The following ZMIZ1 variants were observed in gnomAD, a reference collection of about 807,000 sequenced individuals.
ZMIZ1 encodes the protein zinc finger MIZ-type containing 1, also known as zinc finger MIZ domain-containing protein 1.
Under a neutral mutation model 113.9 loss-of-function variants are expected in ZMIZ1, and 17 were observed. That is an observed-to-expected ratio of 0.15 (90% CI 0.10 to 0.22). ZMIZ1 has a LOEUF of 0.22. ZMIZ1 is among the 10% of genes least tolerant of loss of function. The probability of loss-of-function intolerance (pLI) is 1.00; values close to 1 mark genes in which losing one functional copy is unlikely to be tolerated. For missense variants in ZMIZ1, 1,059 were observed against 1,477.8 expected, an observed-to-expected ratio of 0.72 and a Z score of 4.65; for synonymous variants, 607 against 603.1, an observed-to-expected ratio of 1.01 and a Z score of -0.09.
chr10:79,279,187 G>A (rs996744228), intron 8 of ZMIZ1, among the ~76,000 whole-genome samples: 1 of 151,772 alleles, frequency 6.6e-6, no homozygotes, highest in African/African-American at 2.4e-5. Flanking sequence ...GCCAGGGGGA[G>A]GGGCTCCTCA....
intron 1 of ZMIZ1, among the ~76,000 whole-genome samples, chr10:79,076,362 G>A (rs1007325306): frequency 3.9e-5 from 6 of 152,178 alleles, no homozygotes; most frequent in African/African-American, 1.4e-4. Flanking sequence ...GCTGAACCTT[G>A]GGGGTGGGGT....
intron 7 of ZMIZ1, among the ~76,000 whole-genome samples, chr10:79,251,765 G>A (rs1850568554): frequency 1.3e-5 from 2 of 152,348 alleles, no homozygotes; most frequent in Admixed American, 1.3e-4. Flanking sequence ...TCTCAGGTAT[G>A]TCTTCATTTG....
intron 1 of ZMIZ1, among the ~76,000 whole-genome samples, chr10:79,104,529 C>T (rs1843485574): frequency 6.6e-6 from 1 of 152,210 alleles, no homozygotes; most frequent in African/African-American, 2.4e-5. Flanking sequence ...GGTGAATACC[C>T]ACCAAGGTAC....
rs562647261 is a variant in ZMIZ1, at chr10:79,275,580, G to A, written c.281-1601G>A. 1.1e-4 allele frequency among the ~76,000 whole-genome samples: 16 copies of A among 152,346 alleles called. No individual in the cohort carries two copies. The South Asian group carries it at 3.1e-3, about 30-fold the overall frequency. ...GCCACTCCCGGTCACTGTGCCTATGGGTGTCTTCCACCAGTGCCGGCCAAA... is the reference window on the plus strand; with the variant it reads ...GCCACTCCCGGTCACTGTGCCTATGAGTGTCTTCCACCAGTGCCGGCCAAA... On this transcript the variant is annotated intron_variant, in intron 7 of 24. Transcript: ENST00000334512.
At chr10:79,076,600 C>T (rs1842483217) in intron 1 of ZMIZ1, among the ~76,000 whole-genome samples, 1 of 152,158 alleles carries the variant, frequency 6.6e-6, no homozygotes, top group East Asian at 1.9e-4. Context: ...CTCTGGGAGG[C>T]CTAGGCAGGT....
intron 6 of ZMIZ1, among the ~76,000 whole-genome samples, chr10:79,208,786 C>CATTG (rs1848431638): frequency 2.0e-5 from 3 of 152,088 alleles, no homozygotes; most frequent in Admixed American, 1.3e-4. Flanking sequence ...TTTATCCAGT[C>CATTG]ATTCATTCAT....
Position 79,292,960 on chromosome 10 carries a change from C to CAAG in ZMIZ1, c.958-420_958-418dup, listed in dbSNP as rs1322070475. ...GGGTGTGCCTCCACTGGCCCAGGAC[C>CAAG]AAGGGCAGGGCCAGGGCTTCCAGGA... is the stretch of plus-strand genomic sequence containing the variant. On this transcript the variant is annotated intron_variant, in intron 11 of 24. Transcript: ENST00000334512. The CAAG allele has an allele frequency of 5.3e-5, 24 of 455,778 alleles. No homozygotes were observed. The East Asian group carries it at 1.5e-3, about 28-fold the overall frequency. The allele number at this position is 455,778 out of a possible 1,614,324, so 28.2% of individuals were successfully genotyped here. A position where few individuals can be genotyped will look rare whatever the true frequency, so the allele number is the denominator to read the frequency against.
At chr10:79,147,673 G>A (rs945210336) in intron 3 of ZMIZ1, among the ~76,000 whole-genome samples, 31 of 152,178 alleles carry the variant, frequency 2.0e-4, no homozygotes, top group African/African-American at 7.2e-4. Flanking sequence ...CTTGTCATGA[G>A]CTGGCCATTT....
At chr10:79,243,691 A>C (rs1589474086) in intron 7 of ZMIZ1, 1 of 306,164 alleles carries the variant, frequency 3.3e-6, no homozygotes, top group South Asian at 2.3e-5. Flanking sequence ...GCCGGGCCCC[A>C]AGCCCCCGAG....
chr10:79,253,854 A>T (rs1850707170), intron 7 of ZMIZ1, among the ~76,000 whole-genome samples: 1 of 151,938 alleles, frequency 6.6e-6, no homozygotes, highest in Admixed American at 6.5e-5. Flanking sequence ...GCCTGCACAC[A>T]TGGCCCCACA....
chr10:79,268,490 C>A (rs1190933806), intron 7 of ZMIZ1, among the ~76,000 whole-genome samples: 1 of 152,242 alleles, frequency 6.6e-6, no homozygotes, highest in African/African-American at 2.4e-5. Flanking sequence ...AGTGTCTGTC[C>A]TTCCTTCCCA....
In ZMIZ1 at chr10:79,072,897, C is replaced by T. The variant is rs545507213; in HGVS notation, c.-337+3627C>T. On this transcript the variant is annotated intron_variant, in intron 1 of 24. Coordinates refer to ENST00000334512, the MANE Select transcript of ZMIZ1 (RefSeq NM_020338.4). ...GGATATAGTGCTCTCTGCTCATGCC[C>T]TTTGGGGGAGTGCTCTTTGTCCTTA... 2.6e-5 allele frequency among the ~76,000 whole-genome samples: 4 copies of T among 152,352 alleles called. No individual in the cohort carries two copies. In the East Asian group the frequency reaches 5.8e-4, roughly 22 times the overall value.
intron 2 of ZMIZ1, among the ~76,000 whole-genome samples, chr10:79,126,690 C>T (rs1023978749): frequency 5.9e-5 from 9 of 152,168 alleles, no homozygotes; most frequent in Admixed American, 6.5e-5. Context: ...TGCTAAATGC[C>T]CCTGAGTAGA....
chr10:79,292,087 GCC>G lies in ZMIZ1; in HGVS notation c.759-69_759-68del, dbSNP rs1049241259. On this transcript the variant is annotated intron_variant, in intron 10 of 24. Transcript: ENST00000334512. ...GTACAGCTCCATCATCTCCCTTCCA[GCC>G]CACAGCTTGCCCTCAGTTCCCCTCA... 25 of 1,441,224 alleles carry G rather than the reference GCC, an allele frequency of 1.7e-5. No individual in the cohort carries two copies. The South Asian group carries it at 2.8e-4, about 16-fold the overall frequency. The allele number at this position is 1,441,224 out of a possible 1,614,324, so 89.3% of individuals were successfully genotyped here.
At chr10:79,290,659 C>G in intron 9 of ZMIZ1, 1 of 596,504 alleles carries the variant, frequency 1.7e-6, no homozygotes, top group Non-Finnish European at 3.2e-6. Context: ...AGCCTCTTCT[C>G]CCTTCACTGG....
At position 79,276,410 on chromosome 10, in the gene ZMIZ1, C is replaced by G. The variant is rs192363647; in HGVS notation, c.281-771C>G. Among the ~76,000 whole-genome samples the G allele has an allele frequency of 1.5e-3, 228 of 152,292 alleles. 2 individuals are homozygous for G. Among genetic ancestry groups the G allele is most frequent in the African/African-American group, 5.2e-3 (218 of 41,548 alleles). ...CAGTGAAAGAAAATGGAAGTTTTCC[C>G]CAGTCCCCAGTTCATGTGGGGCTCT... On this transcript the variant is annotated intron_variant, in intron 7 of 24. Coordinates refer to ENST00000334512, the MANE Select transcript of ZMIZ1 (RefSeq NM_020338.4).
At chr10:79,283,819 G>T (rs1350049572) in intron 8 of ZMIZ1, among the ~76,000 whole-genome samples, 1 of 152,218 alleles carries the variant, frequency 6.6e-6, no homozygotes, top group Non-Finnish European at 1.5e-5. Context: ...GGGAGGGAAG[G>T]AAGTAGGCCC....
intron 12 of ZMIZ1, 152 bp downstream of exon 12, chr10:79,293,805 T>C: frequency 8.7e-7 from 1 of 1,148,228 alleles, no homozygotes; most frequent in East Asian, 2.4e-5. Flanking sequence ...GCTCCTGGGT[T>C]TGAGACCTGG....
chr10:79,222,687 C>A (rs1003184018), intron 7 of ZMIZ1, among the ~76,000 whole-genome samples: 1 of 152,124 alleles, frequency 6.6e-6, no homozygotes, highest in African/African-American at 2.4e-5. Flanking sequence ...TCTCACCCTC[C>A]CTGTCTGTGG....
Sources: gnomAD v4.1 joint callset for allele counts (sites outside exome capture counted in the v4.1 genomes callset) on GRCh38, gnomAD v4.1.1 for gene constraint, MANE v1.5 for transcripts, NCBI Gene and HGNC (gene_info 2026-07-23, HGNC 2026-07-21) for gene names.